RALYL: variants seen among roughly 807,000 people sequenced by gnomAD.
RALYL encodes the protein RNA-binding Raly-like protein.
In RALYL, 29 loss-of-function variants were observed where a neutral mutation model predicts 35.1. The observed-to-expected ratio is 0.83, with a 90% CI of 0.61 to 1.13. The LOEUF (loss-of-function observed/expected upper bound fraction) is 1.13. RALYL is among the 50% of genes most tolerant of loss of function. The pLI is 0.00. For synonymous variants in RALYL, 120 were observed against 127.6 expected, an observed-to-expected ratio of 0.94 and a Z score of 0.40; for missense variants, 359 against 360.4, an observed-to-expected ratio of 1.00 and a Z score of 0.03.
rs148391144 is a variant in RALYL, at chr8:84,704,388, G to T, written c.257-70191G>T. On this transcript the variant is annotated intron_variant, in intron 2 of 8. Coordinates refer to ENST00000521268, the MANE Select transcript of RALYL (RefSeq NM_173848.7). ...TGCAGTGAGCCTAGATCGCACAACT[G>T]TACTCCAGCCTAGGTAACAGAGCGA... Among the ~76,000 whole-genome samples, 134 of 151,454 alleles carry T rather than the reference G, an allele frequency of 8.8e-4. 1 individual carries two copies. The East Asian group carries it at 0.017, about 19-fold the overall frequency.
chr8:84,817,686 C>G (rs1283653851), intron 4 of RALYL, among the ~76,000 whole-genome samples: 3 of 151,994 alleles, frequency 2.0e-5, no homozygotes, highest in Non-Finnish European at 4.4e-5. Context: ...TCCCAAGTAG[C>G]TGGAACTATA....
intron 1 of RALYL, among the ~76,000 whole-genome samples, chr8:84,458,468 T>C (rs1221537821): frequency 6.6e-6 from 1 of 151,810 alleles, no homozygotes; most frequent in African/African-American, 2.4e-5. Context: ...TTATATCAAG[T>C]CTTGAGTCTT....
intron 1 of RALYL, among the ~76,000 whole-genome samples, chr8:84,451,785 G>A (rs2049505050): frequency 6.6e-6 from 1 of 151,958 alleles, no homozygotes; most frequent in African/African-American, 2.4e-5. Context: ...TTGCCTTATG[G>A]CTAAGAGTTT....
chr8:84,212,329 T>G (rs1819685922), intron 1 of RALYL, among the ~76,000 whole-genome samples: 1 of 152,198 alleles, frequency 6.6e-6, no homozygotes, highest in African/African-American at 2.4e-5. Context: ...ATAAATTATA[T>G]TATCATTTAT....
chr8:84,812,939 G>GC (rs1467804885), intron 4 of RALYL, among the ~76,000 whole-genome samples: 1 of 152,144 alleles, frequency 6.6e-6, no homozygotes, highest in Admixed American at 6.5e-5. Flanking sequence ...GAGGCTTCTT[G>GC]CCCCTTTCAA....
At chr8:84,605,587 A>C (rs1464927773) in intron 2 of RALYL, among the ~76,000 whole-genome samples, 1 of 151,998 alleles carries the variant, frequency 6.6e-6, no homozygotes, top group Non-Finnish European at 1.5e-5. Flanking sequence ...GGTGATCCTG[A>C]CTCAGGCAGA....
chr8:84,544,624 T>C (rs1158489493), intron 2 of RALYL, among the ~76,000 whole-genome samples: 1 of 152,058 alleles, frequency 6.6e-6, no homozygotes, highest in Non-Finnish European at 1.5e-5. Context: ...ACCTGATGAG[T>C]ATGCTCTTTC....
intron 2 of RALYL, among the ~76,000 whole-genome samples, chr8:84,617,464 G>T (rs1028782064): frequency 1.3e-5 from 2 of 149,706 alleles, no homozygotes; most frequent in African/African-American, 2.5e-5. Flanking sequence ...CTTTGCTGAA[G>T]TTGCTTATCA....
intron 8 of RALYL, among the ~76,000 whole-genome samples, chr8:84,914,642 G>A (rs1202445207): frequency 6.6e-6 from 1 of 151,932 alleles, no homozygotes; most frequent in African/African-American, 2.4e-5. Flanking sequence ...TTACTATAAA[G>A]TTAATTGTTC....
chr8:84,647,139 TA>T (rs1188400590), intron 2 of RALYL, among the ~76,000 whole-genome samples: 4 of 152,040 alleles, frequency 2.6e-5, no homozygotes, highest in African/African-American at 9.7e-5. Flanking sequence ...TCTCCAAGCC[TA>T]TAGGTCTTTA....
chr8:84,580,022 A>G (rs954103027), intron 2 of RALYL, among the ~76,000 whole-genome samples: 4 of 152,214 alleles, frequency 2.6e-5, no homozygotes, highest in African/African-American at 4.8e-5. Context: ...TTAATGTAAA[A>G]TTATTGAGAT....
rs532780148 is a variant in RALYL at position 84,675,773 on chromosome 8, C to T, written c.257-98806C>T. ...TCACCATAGTCCATAGACGTTAGAT[C>T]GTCTTCTCCACCATGTATATTATTC... On this transcript the variant is annotated intron_variant, in intron 2 of 8. Transcript: ENST00000521268. Among the ~76,000 whole-genome samples the T allele has an allele frequency of 9.9e-5, 15 of 152,182 alleles. No individual in the cohort carries two copies. In the East Asian group the frequency reaches 2.5e-3, roughly 26 times the overall value.
chr8:84,494,432 C>A (rs1340716863), intron 1 of RALYL, among the ~76,000 whole-genome samples: 1 of 151,900 alleles, frequency 6.6e-6, no homozygotes, highest in Non-Finnish European at 1.5e-5. Flanking sequence ...TTTTCTAATT[C>A]TGTGAAGAAT....
At chr8:84,683,520 G>T (rs542242551) in intron 2 of RALYL, among the ~76,000 whole-genome samples, 79 of 152,224 alleles carry the variant, frequency 5.2e-4, no homozygotes, top group Admixed American at 8.5e-4. Flanking sequence ...ATGAATCTGG[G>T]TGCTCCTGTA....
At chr8:84,343,926 CTT>C (rs1222627133) in intron 1 of RALYL, among the ~76,000 whole-genome samples, 4 of 151,186 alleles carry the variant, frequency 2.6e-5, no homozygotes, top group Non-Finnish European at 5.9e-5. Context: ...ACAGAAATAA[CTT>C]ATATAAAAGT....
At chr8:84,578,407 C>T (rs971684465) in intron 2 of RALYL, among the ~76,000 whole-genome samples, 11 of 152,222 alleles carry the variant, frequency 7.2e-5, no homozygotes, top group African/African-American at 2.7e-4. Context: ...GCTCTTCTTT[C>T]CTTCTAGTTG....
At chr8:84,838,945 G>C (rs1040627505) in intron 4 of RALYL, among the ~76,000 whole-genome samples, 1 of 152,140 alleles carries the variant, frequency 6.6e-6, no homozygotes, top group African/African-American at 2.4e-5. Context: ...GCATAAAAAA[G>C]AGTCTCTGAA....
intron 1 of RALYL, among the ~76,000 whole-genome samples, chr8:84,425,821 G>GTGTGTGTGTGTA (rs1250540354): frequency 3.2e-4 from 49 of 150,922 alleles, no homozygotes; most frequent in African/African-American, 1.2e-3. Context: ...GTGTGTGTGT[G>GTGTGTGTGTGTA]TGTAAGTTGC....
intron 1 of RALYL, among the ~76,000 whole-genome samples, chr8:84,297,139 G>A (rs1042999795): frequency 6.6e-6 from 1 of 151,926 alleles, no homozygotes; most frequent in Non-Finnish European, 1.5e-5. Flanking sequence ...TTTACAGACT[G>A]ATTATTTCAT....
Sources: allele counts gnomAD v4.1 joint callset (sites outside exome capture counted in the v4.1 genomes callset), GRCh38; gene constraint gnomAD v4.1.1; transcripts MANE v1.5; gene names NCBI Gene and HGNC (gene_info 2026-07-23, HGNC 2026-07-21).